SCGB1D2: variants seen among roughly 807,000 people sequenced by gnomAD.
SCGB1D2 encodes lipophilin-B.
In SCGB1D2, 10 loss-of-function variants were observed where a neutral mutation model predicts 10.5. That is an observed-to-expected ratio of 0.95 (90% CI 0.59 to 1.61). The LOEUF (loss-of-function observed/expected upper bound fraction) is 1.61. Among genes scored for constraint, SCGB1D2 ranks in the 40% most tolerant of loss-of-function variants. SCGB1D2 has a pLI of 0.00. For synonymous variants in SCGB1D2, 42 were observed against 42.8 expected, an observed-to-expected ratio of 0.98 and a Z score of 0.08; for missense variants, 113 against 103.8, an observed-to-expected ratio of 1.09 and a Z score of -0.38.
chr11:62,242,277 G>A lies in SCGB1D2; in HGVS notation c.-31G>A, dbSNP rs746139518. 2.5e-6 allele frequency: 4 copies of A among 1,613,440 alleles called. No homozygotes were observed. The South Asian group carries it at 4.4e-5, about 18-fold the overall frequency. ...GGAGTCCAAATCACTCATTGTTTGT[G>A]AAAGCTGAGCTCACAGCAAAACAAG... On this transcript the variant is annotated 5_prime_UTR_variant, in exon 1 of 3. Transcript: ENST00000244926.
At chr11:62,242,457 C>A in intron 1 of SCGB1D2, 95 bp downstream of exon 1, 2 of 1,282,310 alleles carry the variant, frequency 1.6e-6, no homozygotes, top group Non-Finnish European at 2.2e-6. Flanking sequence ...AGGATCTGCA[C>A]AAAACCAAAA....
chr11:62,243,275 T>C lies in SCGB1D2; in HGVS notation c.56-14T>C, dbSNP rs1337433923. On this transcript the variant is annotated splice_polypyrimidine_tract_variant and intron_variant, in intron 1 of 2. Transcript: ENST00000244926. ...TTTCCTAACATCAACTATATTTTTA[T>C]TCTTTTGCTGCAGCCAATGCCGAGT... 1.2e-6 allele frequency: 2 copies of C among 1,606,894 alleles called. No individual in the cohort carries two copies. Among genetic ancestry groups the C allele is most frequent in the Non-Finnish European group, 1.7e-6 (2 of 1,175,470 alleles).
At chr11:62,244,107 CTG>C (rs1266746455) in intron 2 of SCGB1D2, among the ~76,000 whole-genome samples, 3 of 152,202 alleles carry the variant, frequency 2.0e-5, no homozygotes, top group Non-Finnish European at 4.4e-5. Flanking sequence ...TGTTCTCACT[CTG>C]TCTTTCTCAA....
At chr11:62,244,630 C>G (rs1455155280) in intron 2 of SCGB1D2, 40 bp from the exon 3 acceptor site, 1 of 1,597,710 alleles carries the variant, frequency 6.3e-7, no homozygotes, top group Non-Finnish European at 8.6e-7. Context: ...CCAGCAGCAG[C>G]ATGACTGACC....
chr11:62,243,557 G>C, intron 2 of SCGB1D2, 81 bp downstream of exon 2: 2 of 1,231,672 alleles, frequency 1.6e-6, no homozygotes, highest in Non-Finnish European at 2.3e-6. Flanking sequence ...GCTCTGTTGG[G>C]GACACAGGTG....
chr11:62,244,651 T>C lies in SCGB1D2; in HGVS notation c.244-19T>C, dbSNP rs754520550. On this transcript the variant is annotated intron_variant, in intron 2 of 2. Coordinates refer to ENST00000244926, the MANE Select transcript of SCGB1D2 (RefSeq NM_006551.4). The stretch of plus-strand genomic sequence containing the variant: ...GCAGCATGACTGACCCCACCTTCTT[T>C]TTTCTTTTCCTATTTTAGGTGAAAA... 1 of 1,612,184 alleles carries C rather than the reference T, an allele frequency of 6.2e-7. No individual in the cohort carries two copies. Among genetic ancestry groups the C allele is most frequent in the Admixed American group, 1.7e-5 (1 of 59,904 alleles).
intron 1 of SCGB1D2, among the ~76,000 whole-genome samples, chr11:62,242,684 C>A (rs1220119114): frequency 6.6e-6 from 1 of 152,200 alleles, no homozygotes; most frequent in Non-Finnish European, 1.5e-5. Context: ...AGCCCTTTGA[C>A]CTTGGGCACA....
At position 62,243,321 on chromosome 11, in the gene SCGB1D2, G is replaced by C. The variant is rs745311328; in HGVS notation, c.88G>C (p.Glu30Gln). The stretch of plus-strand genomic sequence containing the variant: ...CGAGTTCTGCCCAGCTCTTGTTTCT[G>C]AGCTGTTAGACTTCTTCTTCATTAG... ...NAEFCPALVSELLDFFFISEP... is the reference protein window; with the variant it reads ...NAEFCPALVSQLLDFFFISEP... The change falls in exon 2 of 3, where the codon GAG becomes CAG. Residue 30 changes from glutamate to glutamine, a missense_variant. By Grantham distance (29) the Glu-to-Gln change is conservative. Coordinates refer to ENST00000244926, the MANE Select transcript of SCGB1D2 (RefSeq NM_006551.4). 37 of 1,613,826 alleles carry C rather than the reference G, an allele frequency of 2.3e-5. No individual in the cohort carries two copies. Among genetic ancestry groups the C allele is most frequent in the Non-Finnish European group, 3.1e-5 (36 of 1,179,906 alleles).
intron 1 of SCGB1D2, among the ~76,000 whole-genome samples, chr11:62,242,776 G>A (rs1293114673): frequency 6.6e-6 from 1 of 152,212 alleles, no homozygotes; most frequent in Non-Finnish European, 1.5e-5. Flanking sequence ...GAGTAAGAAA[G>A]ATTAATACTG....
rs376107340 is a variant in SCGB1D2 at position 62,242,371 on chromosome 11, A to T, written c.55+9A>T. ...CCTCTGCTGCTACCAGGGTGAGTAC[A>T]TCAGTCATGAGTCTAGCTCCAGCCC... On this transcript the variant is annotated intron_variant, in intron 1 of 2. Transcript: ENST00000244926. 1.2e-6 allele frequency: 2 copies of T among 1,613,698 alleles called. No individual in the cohort carries two copies. Among genetic ancestry groups the T allele is most frequent in the Admixed American group, 1.7e-5 (1 of 59,988 alleles).
chr11:62,244,007 C>T (rs1391218099), intron 2 of SCGB1D2, among the ~76,000 whole-genome samples: 2 of 152,096 alleles, frequency 1.3e-5, no homozygotes, highest in Non-Finnish European at 2.9e-5. Flanking sequence ...AGACCCCATA[C>T]TCCCCTCCAC....
At position 62,243,164 on chromosome 11, in the gene SCGB1D2, G is replaced by A. The variant is rs1406219523; in HGVS notation, c.56-125G>A. On this transcript the variant is annotated intron_variant, in intron 1 of 2. Coordinates refer to ENST00000244926, the MANE Select transcript of SCGB1D2 (RefSeq NM_006551.4). ...AGTCACACCTGAAGGGTCTGGCATT[G>A]TCATCAGCACAACAAATGTATGTGA... The A allele has an allele frequency of 4.3e-6, 3 of 700,096 alleles. No homozygotes were observed. In the East Asian group the frequency reaches 8.1e-5, roughly 19 times the overall value. 43.4% of individuals were successfully genotyped at this position (700,096 alleles called of 1,614,324 possible). A position where few individuals can be genotyped will look rare whatever the true frequency, so the allele number is the denominator to read the frequency against.
chr11:62,243,579 G>A lies in SCGB1D2; in HGVS notation c.243+103G>A, dbSNP rs888888398. The A allele has an allele frequency of 1.1e-5, 11 of 1,010,450 alleles. No individual in the cohort carries two copies. The African/African-American group carries it at 1.8e-4, about 16-fold the overall frequency. 62.6% of individuals were successfully genotyped at this position (1,010,450 alleles called of 1,614,324 possible). A position where few individuals can be genotyped will look rare whatever the true frequency, so the allele number is the denominator to read the frequency against. Reference sequence around the variant, plus strand: ...TGGGGACACAGGTGGTGGGGCAGCTGCCTTGCTGGTCACCTCTTGAGAAGG... The same window carrying A: ...TGGGGACACAGGTGGTGGGGCAGCTACCTTGCTGGTCACCTCTTGAGAAGG... On this transcript the variant is annotated intron_variant, in intron 2 of 2. Transcript: ENST00000244926.
At position 62,244,770 on chromosome 11, in the gene SCGB1D2, G is replaced by A; in HGVS notation, c.*71G>A. ...CCTGATCTTCACTGCAGAATGTAAA[G>A]GTTTCAACGTCTTGCTTTAATAAAT... is the stretch of plus-strand genomic sequence containing the variant. On this transcript the variant is annotated 3_prime_UTR_variant, in exon 3 of 3. Transcript: ENST00000244926. The A allele has an allele frequency of 7.7e-7, 1 of 1,293,210 alleles. No homozygotes were observed. Among genetic ancestry groups the A allele is most frequent in the Non-Finnish European group, 1.1e-6 (1 of 896,592 alleles). 80.1% of individuals were successfully genotyped at this position (1,293,210 alleles called of 1,614,324 possible).
intron 1 of SCGB1D2, among the ~76,000 whole-genome samples, chr11:62,242,677 C>T (rs1945073056): frequency 6.6e-6 from 1 of 152,182 alleles, no homozygotes; most frequent in Non-Finnish European, 1.5e-5. Flanking sequence ...ACTTCCCAGC[C>T]CTTTGACCTT....
rs148072963 is a variant in SCGB1D2, at chr11:62,242,794, A to G, written c.55+432A>G. Among the ~76,000 whole-genome samples the G allele has an allele frequency of 2.9e-3, 438 of 152,354 alleles. 1 individual carries two copies. Among genetic ancestry groups the G allele is most frequent in the South Asian group, 0.012 (57 of 4,832 alleles). On this transcript the variant is annotated intron_variant, in intron 1 of 2. Transcript: ENST00000244926. ...TAAGAAAGATTAATACTGTCAAAAG[A>G]GTCTAGCTGTGGGCTAAGCATGGCG...
In SCGB1D2 at chr11:62,242,379, T is replaced by C. The variant is rs769012037; in HGVS notation, c.55+17T>C. 1.9e-6 allele frequency: 3 copies of C among 1,613,628 alleles called. No homozygotes were observed. Among genetic ancestry groups the C allele is most frequent in the Admixed American group, 1.7e-5 (1 of 60,012 alleles). On this transcript the variant is annotated intron_variant, in intron 1 of 2. Transcript: ENST00000244926. ...GCTACCAGGGTGAGTACATCAGTCA[T>C]GAGTCTAGCTCCAGCCCCTGGGAAG...
At position 62,242,908 on chromosome 11, in the gene SCGB1D2, C is replaced by T. The variant is rs568172358; in HGVS notation, c.56-381C>T. Among the ~76,000 whole-genome samples, 12 of 152,232 alleles carry T rather than the reference C, an allele frequency of 7.9e-5. No individual in the cohort carries two copies. In the East Asian group the frequency reaches 1.9e-3, roughly 25 times the overall value. On this transcript the variant is annotated intron_variant, in intron 1 of 2. Coordinates refer to ENST00000244926, the MANE Select transcript of SCGB1D2 (RefSeq NM_006551.4). ...TTTGAGTCCGGCCTAGGCAACGTGGCGAAACTCCAGCTTTACCAAAAGAAA... is the reference window on the plus strand; with the variant it reads ...TTTGAGTCCGGCCTAGGCAACGTGGTGAAACTCCAGCTTTACCAAAAGAAA...
Position 62,243,461 on chromosome 11 carries a change from C to T in SCGB1D2, c.228C>T (p.Leu76=). 6.2e-7 allele frequency: 1 copy of T among 1,613,138 alleles called. No homozygotes were observed. The highest frequency in any genetic ancestry group is 8.5e-7 in the Non-Finnish European group (1 of 1,179,500). ...AGATGTCCCTTCAGAAACGAAGCCT[C>T]ATTGCGGAAGTCCTGGTAACTTCTT... The part of the protein sequence containing the change: ...TDQMSLQKRS[L]IAEVLVKILK... The change falls in exon 2 of 3, where the codon CTC becomes CTT. Residue 76 remains leucine (L), a synonymous_variant. Coordinates refer to ENST00000244926, the MANE Select transcript of SCGB1D2 (RefSeq NM_006551.4).
Sources: allele counts gnomAD v4.1 joint callset (sites outside exome capture counted in the v4.1 genomes callset), GRCh38; gene constraint gnomAD v4.1.1; transcripts MANE v1.5; gene names NCBI Gene and HGNC (gene_info 2026-07-23, HGNC 2026-07-21).